MLIP: variants seen among roughly 807,000 people sequenced by gnomAD.
MLIP encodes muscular LMNA interacting protein.
A neutral mutation model predicts 84.8 loss-of-function variants in MLIP; 79 were observed. That is an observed-to-expected ratio of 0.93 (90% confidence interval 0.78 to 1.12). The LOEUF is 1.12. MLIP is among the 50% of genes most tolerant of loss of function. The pLI is 0.00. For synonymous variants in MLIP, 504 were observed against 463.0 expected (o/e 1.09, Z -1.14); for missense variants, 1,257 against 1,160.6 (o/e 1.08, Z -1.21).
intron 4 of MLIP, among the ~76,000 whole-genome samples, chr6:54,146,395 G>A (rs17681477): frequency 0.096 from 14,681 of 152,260 alleles, 1,025 homozygotes; most frequent in Admixed American, 0.2. Context: ...TATTATCAGA[G>A]GAGAGCAATG....
intron 1 of MLIP, among the ~76,000 whole-genome samples, chr6:54,080,882 A>G (rs1645452617): frequency 6.6e-6 from 1 of 151,912 alleles, no homozygotes; most frequent in African/African-American, 2.4e-5. Context: ...ATTCTTGGGC[A>G]AGAATATCTT....
At chr6:54,082,039 C>T (rs905566181) in intron 1 of MLIP, among the ~76,000 whole-genome samples, 1 of 152,024 alleles carries the variant, frequency 6.6e-6, no homozygotes, top group African/African-American at 2.4e-5. Context: ...CTCATTATAA[C>T]TATATATAAA....
chr6:54,262,895 G>T (rs1783477476), intron 13 of MLIP, among the ~76,000 whole-genome samples: 1 of 152,032 alleles, frequency 6.6e-6, no homozygotes, highest in Non-Finnish European at 1.5e-5. Context: ...GCAAGAACCA[G>T]AATTAAAATC....
At chr6:54,174,472 T>C (rs1418507593) in intron 9 of MLIP, among the ~76,000 whole-genome samples, 1 of 152,046 alleles carries the variant, frequency 6.6e-6, no homozygotes, top group Non-Finnish European at 1.5e-5. Context: ...CTCATTGTAG[T>C]TTTGATTAGC....
intron 1 of MLIP, among the ~76,000 whole-genome samples, chr6:54,040,708 T>C (rs985117291): frequency 7.9e-5 from 12 of 152,142 alleles, no homozygotes; most frequent in South Asian, 2.1e-4. Context: ...ATGTAGTACA[T>C]ACATGCCATG....
intron 3 of MLIP, among the ~76,000 whole-genome samples, chr6:54,133,890 G>T (rs113018370): frequency 6.6e-6 from 1 of 152,104 alleles, no homozygotes; most frequent in Non-Finnish European, 1.5e-5. Context: ...GGCAAGGGGG[G>T]CTCAGGGAAC....
chr6:54,039,407 G>A (rs1246129602), intron 1 of MLIP, among the ~76,000 whole-genome samples: 1 of 151,904 alleles, frequency 6.6e-6, no homozygotes, highest in Non-Finnish European at 1.5e-5. Flanking sequence ...ATGTATTAAT[G>A]GTCAAGGCTG....
intron 1 of MLIP, among the ~76,000 whole-genome samples, chr6:54,070,245 C>A (rs1269475367): frequency 6.6e-6 from 1 of 152,250 alleles, no homozygotes; most frequent in East Asian, 1.9e-4. Flanking sequence ...TTGTTATTCT[C>A]CTTCAATTTT....
intron 4 of MLIP, among the ~76,000 whole-genome samples, chr6:54,145,272 C>A (rs1335264576): frequency 6.6e-6 from 1 of 152,068 alleles, no homozygotes; most frequent in African/African-American, 2.4e-5. Context: ...CACCTGGAAG[C>A]CTTGAAATGC....
intron 5 of MLIP, among the ~76,000 whole-genome samples, chr6:54,152,373 A>T (rs1237828740): frequency 6.6e-6 from 1 of 152,190 alleles, no homozygotes; most frequent in Non-Finnish European, 1.5e-5. Flanking sequence ...TGATAAAGAT[A>T]TAACTGAGAC....
At chr6:54,224,379 A>G (rs1780430384) in intron 11 of MLIP, among the ~76,000 whole-genome samples, 1 of 151,932 alleles carries the variant, frequency 6.6e-6, no homozygotes, top group Admixed American at 6.6e-5. Flanking sequence ...CTAGAAAAAT[A>G]TAAAAATAAA....
intron 1 of MLIP, among the ~76,000 whole-genome samples, chr6:54,035,590 G>A (rs1443405170): frequency 6.6e-6 from 1 of 151,988 alleles, no homozygotes; most frequent in Non-Finnish European, 1.5e-5. Context: ...TATCAGCAAT[G>A]TATGAGTGTC....
At chr6:54,123,912 C>A (rs1770680455) in intron 2 of MLIP, among the ~76,000 whole-genome samples, 1 of 152,120 alleles carries the variant, frequency 6.6e-6, no homozygotes, top group African/African-American at 2.4e-5. Context: ...GTGAAAGATG[C>A]TTTGTACTAA....
chr6:54,194,360 A>C (rs1778150663), intron 10 of MLIP, among the ~76,000 whole-genome samples: 1 of 152,146 alleles, frequency 6.6e-6, no homozygotes, highest in African/African-American at 2.4e-5. Flanking sequence ...TAAGTGCCAC[A>C]GCATTTATCA....
intron 11 of MLIP, among the ~76,000 whole-genome samples, chr6:54,224,604 G>A (rs1399799538): frequency 6.6e-6 from 1 of 151,930 alleles, no homozygotes; most frequent in East Asian, 1.9e-4. Context: ...TTTTACATAA[G>A]TTATTGGGGT....
intron 11 of MLIP, among the ~76,000 whole-genome samples, chr6:54,205,092 T>G (rs1778945894): frequency 6.6e-6 from 1 of 152,226 alleles, no homozygotes. Flanking sequence ...GGCCTTTTTA[T>G]GTTGAGCTTT....
intron 9 of MLIP, among the ~76,000 whole-genome samples, chr6:54,170,014 A>G (rs1775612509): frequency 6.6e-6 from 1 of 151,736 alleles, no homozygotes; most frequent in African/African-American, 2.4e-5. Context: ...AAATAAACCA[A>G]TTTCCACTTA....
chr6:54,210,730 G>GACA (rs1554185161), intron 11 of MLIP, among the ~76,000 whole-genome samples: 3 of 131,234 alleles, frequency 2.3e-5, no homozygotes, highest in African/African-American at 8.3e-5. Flanking sequence ...CCAACGGAGG[G>GACA]AAAAAAAAAA....
intron 1 of MLIP, chr6:54,031,377 T>G (rs1438138279): frequency 1.3e-5 from 2 of 152,218 alleles, no homozygotes; most frequent in Non-Finnish European, 2.9e-5. Context: ...TCCTTCTGCC[T>G]GTACCACCTT....
Sources: allele counts gnomAD v4.1 joint callset (sites outside exome capture counted in the v4.1 genomes callset), GRCh38; gene constraint gnomAD v4.1.1; transcripts MANE v1.5; gene names NCBI Gene and HGNC (gene_info 2026-07-23, HGNC 2026-07-21).